The following NOP53 variants were observed in gnomAD, a reference collection of about 807,000 sequenced individuals.
The protein encoded by NOP53 is ribosome biogenesis protein NOP53.
A neutral mutation model predicts 61.0 loss-of-function variants in NOP53; 40 were observed. The ratio of observed to expected loss-of-function variants is 0.66; its 90% CI spans 0.51 to 0.85. The LOEUF (loss-of-function observed/expected upper bound fraction) is 0.85. Ranked by LOEUF, NOP53 falls within the 40% of genes least tolerant of loss-of-function variation. The pLI, the probability that NOP53 is intolerant of heterozygous loss-of-function variation, is 0.00. For missense variants in NOP53, 689 were observed against 652.9 expected (o/e 1.06, Z -0.60); for synonymous variants, 308 against 289.5 (o/e 1.06, Z -0.65).
chr19:47,749,160 CAA>C (rs1349731224), intron 2 of NOP53, among the ~76,000 whole-genome samples: 8 of 130,532 alleles, frequency 6.1e-5, no homozygotes, highest in Non-Finnish European at 5.0e-5. Flanking sequence ...GACTCTGTCT[CAA>C]AAAAAAAAAA....
In NOP53 at chr19:47,756,562, G is replaced by A; in HGVS notation, c.1331G>A (p.Ser444Asn). ...EGNILRDRFK[S>N]FQRRNMIEPR... ...AACATCCTTCGAGACCGGTTCAAGA[G>A]CTTCCAGAGGAGGAATATGATCGAG... Residue 444 changes from serine (S) to asparagine (N), a missense_variant, in exon 11 of 13, where the codon AGC (serine) becomes AAC (asparagine). Physicochemically the swap from Ser to Asn is conservative, Grantham distance 46. Transcript: ENST00000246802. The A allele has an allele frequency of 6.2e-7, 1 of 1,614,134 alleles. No individual in the cohort carries two copies. Among genetic ancestry groups the A allele is most frequent in the Non-Finnish European group, 8.5e-7 (1 of 1,180,016 alleles).
At chr19:47,755,588 C>T in intron 9 of NOP53, 65 bp downstream of exon 9, 1 of 1,431,488 alleles carries the variant, frequency 7.0e-7, no homozygotes, top group Non-Finnish European at 9.3e-7. Flanking sequence ...GTCCTGACAC[C>T]TTCCTGCCTT....
At chr19:47,752,917 C>G in intron 6 of NOP53, 1 of 352,156 alleles carries the variant, frequency 2.8e-6, no homozygotes, top group Non-Finnish European at 5.4e-6. Context: ...AGTGGGTTTT[C>G]CAGGTGGTGG....
chr19:47,747,245 C>T (rs1019009602), intron 2 of NOP53, among the ~76,000 whole-genome samples: 10 of 152,118 alleles, frequency 6.6e-5, no homozygotes, highest in African/African-American at 1.9e-4. Flanking sequence ...TGTCAGTGAT[C>T]TCCATGCACA....
At chr19:47,745,979 C>T (rs953891184) in intron 1 of NOP53, 196 bp downstream of exon 1, 5 of 518,922 alleles carry the variant, frequency 9.6e-6, no homozygotes, top group African/African-American at 2.0e-5. Flanking sequence ...GATAGAGTTA[C>T]CAGATTTAGC....
rs1967197574 is a variant in NOP53 at position 47,756,340 on chromosome 19, G to T, written c.1297-188G>T. The T allele has an allele frequency of 5.0e-6, 3 of 599,308 alleles. No homozygotes were observed. The Admixed American group carries it at 8.8e-5, about 18-fold the overall frequency. 37.1% of individuals were successfully genotyped at this position (599,308 alleles called of 1,614,324 possible). A position where few individuals can be genotyped will look rare whatever the true frequency, so the allele number is the denominator to read the frequency against. ...CTCCTCTAAGCCCAGCTTAGAGATG[G>T]CCATAGGTTGGTGGCTGTCATCCCA... On this transcript the variant is annotated intron_variant, in intron 10 of 12. Transcript: ENST00000246802.
At chr19:47,756,831 T>C (rs1967207487) in intron 12 of NOP53, 87 bp downstream of exon 12, 3 of 1,514,532 alleles carry the variant, frequency 2.0e-6, no homozygotes, top group Non-Finnish European at 2.7e-6. Context: ...TTCCAGAGTG[T>C]GGCTAGTGGC....
intron 1 of NOP53, 188 bp from the exon 2 acceptor site, chr19:47,746,779 A>C: frequency 3.9e-6 from 2 of 517,222 alleles, no homozygotes; most frequent in Non-Finnish European, 6.9e-6. Flanking sequence ...CTGGGATTAC[A>C]GGCGTGAGCC....
chr19:47,755,800 C>T lies in NOP53; in HGVS notation c.1274C>T (p.Thr425Ile). 1 of 1,609,638 alleles carries T rather than the reference C, an allele frequency of 6.2e-7. No individual in the cohort carries two copies. Among genetic ancestry groups the T allele is most frequent in the Non-Finnish European group, 8.5e-7 (1 of 1,178,228 alleles). Residue 425 changes from threonine (T) to isoleucine (I), a missense_variant, in exon 10 of 13, where the codon ACA becomes ATA. Transcript: ENST00000246802. Reference protein sequence around the residue: ...DIDVQLSSELTDSLRTLKPEG... With the variant: ...DIDVQLSSELIDSLRTLKPEG... ...GACGTGCAGCTGAGCTCGGAGCTGACAGACTCGCTCAGGACCCTGAAGGTG... is the reference window on the plus strand; with the variant it reads ...GACGTGCAGCTGAGCTCGGAGCTGATAGACTCGCTCAGGACCCTGAAGGTG...
chr19:47,754,732 C>T lies in NOP53; in HGVS notation c.894C>T (p.Cys298=), dbSNP rs767027661. 5.1e-5 allele frequency: 78 copies of T among 1,528,212 alleles called. No individual in the cohort carries two copies. Among genetic ancestry groups the T allele is most frequent in the South Asian group, 1.1e-4 (9 of 81,882 alleles). The allele number at this position is 1,528,212 out of a possible 1,614,324, so 94.7% of individuals were successfully genotyped here. Residue 298 remains cysteine, a synonymous_variant, in exon 8 of 13, where the codon TGC becomes TGT. Coordinates refer to ENST00000246802, the MANE Select transcript of NOP53 (RefSeq NM_015710.5). The surrounding 1 kb of genome is among the most constrained non-coding windows in gnomAD (Gnocchi z 4.2). ...ATQESTFQEL[C]EGLLEESDGE... is the part of the protein sequence containing the mutation. ...AGGAGTCCACATTCCAGGAGCTGTGCGAGGGGCTGCTGGAGGAGTCGGATG... is the reference window on the plus strand; with the variant it reads ...AGGAGTCCACATTCCAGGAGCTGTGTGAGGGGCTGCTGGAGGAGTCGGATG...
rs935637281 is a variant in NOP53 at position 47,754,703 on chromosome 19, C to T, written c.871-6C>T. On this transcript the variant is annotated splice_polypyrimidine_tract_variant and splice_region_variant and intron_variant, in intron 7 of 12. Coordinates refer to ENST00000246802, the MANE Select transcript of NOP53 (RefSeq NM_015710.5). The surrounding 1 kb of genome is among the most constrained non-coding windows in gnomAD (Gnocchi z 4.2). Reference sequence around the variant, plus strand: ...CCACCCCTGACACTGCACCCCGCCTCCCCAGGAGTCCACATTCCAGGAGCT... The same window carrying T: ...CCACCCCTGACACTGCACCCCGCCTTCCCAGGAGTCCACATTCCAGGAGCT... 3 of 1,534,320 alleles carry T rather than the reference C, an allele frequency of 2.0e-6. No homozygotes were observed. Among genetic ancestry groups the T allele is most frequent in the South Asian group, 1.2e-5 (1 of 82,642 alleles).
chr19:47,751,269 A>G (rs563795241), intron 4 of NOP53, 162 bp downstream of exon 4: 83 of 709,196 alleles, frequency 1.2e-4, no homozygotes, highest in Non-Finnish European at 1.7e-4. Flanking sequence ...GCCGTTTCCC[A>G]CTCGTGCTTT....
At chr19:47,752,389 C>A in intron 5 of NOP53, 123 bp from the exon 6 acceptor site, 1 of 643,218 alleles carries the variant, frequency 1.6e-6, no homozygotes, top group Non-Finnish European at 2.8e-6. Flanking sequence ...CACCTGAATG[C>A]CCCTTGAGCT....
chr19:47,755,336 C>T lies in NOP53; in HGVS notation c.1054-12C>T. 6.7e-7 allele frequency: 1 copy of T among 1,484,616 alleles called. No homozygotes were observed. Among genetic ancestry groups the T allele is most frequent in the South Asian group, 1.3e-5 (1 of 77,342 alleles). 92.0% of individuals were successfully genotyped at this position (1,484,616 alleles called of 1,614,324 possible). On this transcript the variant is annotated splice_polypyrimidine_tract_variant and intron_variant, in intron 8 of 12. Transcript: ENST00000246802. ...CACCGGCCTGAGCCCTGACCCTCCCCCGTCTCCACAGCGGGTACAGCAGGC... is the reference window on the plus strand; with the variant it reads ...CACCGGCCTGAGCCCTGACCCTCCCTCGTCTCCACAGCGGGTACAGCAGGC...
chr19:47,755,626 C>T (rs988562750), intron 9 of NOP53, 103 bp downstream of exon 9: 46 of 1,329,102 alleles, frequency 3.5e-5, no homozygotes, highest in East Asian at 2.8e-4. Context: ...CCCCCCCCAT[C>T]GGGAGACCAC....
chr19:47,752,418 T>C (rs1967135352), intron 5 of NOP53, 94 bp from the exon 6 acceptor site: 1 of 769,752 alleles, frequency 1.3e-6, no homozygotes, highest in Non-Finnish European at 2.2e-6. Context: ...ACCCAACCAC[T>C]GGCAAGGCCT....
chr19:47,747,155 T>G, intron 2 of NOP53, 124 bp downstream of exon 2: 1 of 752,096 alleles, frequency 1.3e-6, no homozygotes, highest in Non-Finnish European at 2.2e-6. Flanking sequence ...CAGGTCAACC[T>G]TAATATAAAC....
intron 1 of NOP53, chr19:47,746,013 T>A: frequency 2.0e-6 from 1 of 496,346 alleles, no homozygotes; most frequent in South Asian, 3.5e-5. Context: ...GGACGCTCAA[T>A]TAAATTTGGA....
At position 47,751,097 on chromosome 19, in the gene NOP53, G is replaced by A. The variant is rs374750859; in HGVS notation, c.588G>A (p.Trp196Ter). 5 of 1,605,998 alleles carry A rather than the reference G, an allele frequency of 3.1e-6. No homozygotes were observed. The African/African-American group carries it at 5.3e-5, about 17-fold the overall frequency. ...DTVERPFYDL[W>*]ASDNPLDRPL... ...TAGAGCGGCCCTTCTACGACCTCTG[G>A]GCCTCAGACAGTGAGTGATCCTGCT... Residue 196 changes from tryptophan (W) to a stop codon, truncating the protein, a stop_gained, in exon 4 of 13, where the codon TGG becomes TGA. Coordinates refer to ENST00000246802, the MANE Select transcript of NOP53 (RefSeq NM_015710.5). LOFTEE classifies it high-confidence loss of function.
Sources: gnomAD v4.1 joint callset for allele counts (sites outside exome capture counted in the v4.1 genomes callset) on GRCh38, gnomAD v4.1.1 for gene constraint, Gnocchi (gnomAD v3.1) non-coding constraint, MANE v1.5 for transcripts, NCBI Gene and HGNC (gene_info 2026-07-23, HGNC 2026-07-21) for gene names.